ZFHX3: variants seen among roughly 807,000 people sequenced by gnomAD.
ZFHX3 encodes the protein zinc finger homeobox 3, also known as zinc finger homeobox protein 3.
Under a neutral mutation model 279.1 loss-of-function variants are expected in ZFHX3, and 42 were observed. That is an observed-to-expected ratio of 0.15 (90% CI 0.12 to 0.19). The LOEUF is 0.19. Ranked by LOEUF, ZFHX3 falls within the 10% of genes least tolerant of loss-of-function variation. The pLI is 1.00. For synonymous variants in ZFHX3, 2,293 were observed against 1,957.8 expected (o/e 1.17, Z -4.52); for missense variants, 4,981 against 4,754.0 (o/e 1.05, Z -1.40).
intron 4 of ZFHX3, among the ~76,000 whole-genome samples, chr16:73,276,949 C>T (rs2014317454): frequency 6.6e-6 from 1 of 152,150 alleles, no homozygotes. Flanking sequence ...AATTTCTCCC[C>T]ATTAGAACAG....
chr16:72,872,164 GT>G, intron 4 of ZFHX3, among the ~76,000 whole-genome samples: 1 of 152,122 alleles, frequency 6.6e-6, no homozygotes, highest in Non-Finnish European at 1.5e-5. Flanking sequence ...AACATCCCCA[GT>G]CCAATTATAT....
chr16:73,461,802 G>A (rs1344382381), intron 2 of ZFHX3, among the ~76,000 whole-genome samples: 1 of 152,188 alleles, frequency 6.6e-6, no homozygotes, highest in Non-Finnish European at 1.5e-5. Context: ...AAACTGGCTA[G>A]ATGATTCCTC....
intron 2 of ZFHX3, among the ~76,000 whole-genome samples, chr16:73,565,955 G>C (rs570230959): frequency 5.8e-4 from 89 of 152,254 alleles, no homozygotes; most frequent in Non-Finnish European, 9.1e-4. Flanking sequence ...GGGCCGGGAT[G>C]GGGGGGATCC....
chr16:73,108,053 C>A (rs1469752869), intron 7 of ZFHX3, among the ~76,000 whole-genome samples: 1 of 152,048 alleles, frequency 6.6e-6, no homozygotes, highest in Non-Finnish European at 1.5e-5. Flanking sequence ...CCCAGCTACT[C>A]GGGAGGCCGA....
chr16:73,748,628 C>T (rs1223027697), intron 1 of ZFHX3, among the ~76,000 whole-genome samples: 2 of 152,188 alleles, frequency 1.3e-5, no homozygotes, highest in South Asian at 4.1e-4. Flanking sequence ...TCACTCCTAC[C>T]TCCAGGCTTA....
chr16:73,121,458 T>A (rs938926031), intron 7 of ZFHX3, among the ~76,000 whole-genome samples: 2 of 152,194 alleles, frequency 1.3e-5, no homozygotes, highest in African/African-American at 4.8e-5. Flanking sequence ...GCTTGTACTG[T>A]GTTTCTACTG....
At chr16:73,397,639 G>T (rs551842991) in intron 3 of ZFHX3, among the ~76,000 whole-genome samples, 9 of 152,200 alleles carry the variant, frequency 5.9e-5, no homozygotes, top group Non-Finnish European at 4.4e-5. Context: ...GCTTGGACCA[G>T]GCTATTAGCA....
intron 2 of ZFHX3, among the ~76,000 whole-genome samples, chr16:73,645,714 C>T (rs1213347498): frequency 1.3e-5 from 2 of 152,108 alleles, no homozygotes; most frequent in African/African-American, 4.8e-5. Context: ...TCGAGAATTT[C>T]TTAATGTAGA....
intron 4 of ZFHX3, among the ~76,000 whole-genome samples, chr16:72,838,898 GA>G (rs1221678267): frequency 3.3e-5 from 5 of 151,772 alleles, no homozygotes; most frequent in East Asian, 1.9e-4. Context: ...TTCACAGGAA[GA>G]TTTTTTTTTT....
At chr16:73,470,991 T>C (rs1320987948) in intron 2 of ZFHX3, among the ~76,000 whole-genome samples, 3 of 152,142 alleles carry the variant, frequency 2.0e-5, no homozygotes, top group African/African-American at 7.2e-5. Flanking sequence ...GATTCTACAG[T>C]GTGGTTTGAG....
chr16:73,097,925 C>T (rs1966185699), intron 7 of ZFHX3, among the ~76,000 whole-genome samples: 1 of 152,168 alleles, frequency 6.6e-6, no homozygotes. Flanking sequence ...TCATTTTATA[C>T]CAAATAATAT....
intron 3 of ZFHX3, among the ~76,000 whole-genome samples, chr16:73,408,353 C>A (rs2017404785): frequency 6.6e-6 from 1 of 152,158 alleles, no homozygotes; most frequent in African/African-American, 2.4e-5. Context: ...GAGTCCCTGA[C>A]AAGGTCGTGA....
chr16:73,570,507 T>C (rs1404003421), intron 2 of ZFHX3, among the ~76,000 whole-genome samples: 2 of 152,224 alleles, frequency 1.3e-5, no homozygotes, highest in African/African-American at 4.8e-5. Flanking sequence ...TGAATGGCAT[T>C]AATAAATCCT....
At chr16:73,808,387 AT>A (rs947587812) in intron 1 of ZFHX3, 11 of 152,350 alleles carry the variant, frequency 7.2e-5, no homozygotes, top group Admixed American at 6.5e-4. Context: ...AGTTTCAAAT[AT>A]CAGACAAAAA....
intron 1 of ZFHX3, among the ~76,000 whole-genome samples, chr16:73,027,347 C>T (rs768487785): frequency 6.6e-6 from 1 of 152,192 alleles, no homozygotes; most frequent in Non-Finnish European, 1.5e-5. Flanking sequence ...TTTTAACTCT[C>T]CAGTCCAGTC....
intron 2 of ZFHX3, among the ~76,000 whole-genome samples, chr16:73,552,835 A>G (rs568734781): frequency 3.3e-4 from 50 of 152,328 alleles, no homozygotes; most frequent in Admixed American, 1.0e-3. Flanking sequence ...TCTGCCTGTA[A>G]AATTCTTGGA....
intron 4 of ZFHX3, among the ~76,000 whole-genome samples, chr16:73,286,633 G>A (rs1256446748): frequency 6.6e-6 from 1 of 151,586 alleles, no homozygotes; most frequent in Non-Finnish European, 1.5e-5. Context: ...GGGTCTGTGT[G>A]TAGCTGTGTG....
intron 4 of ZFHX3, among the ~76,000 whole-genome samples, chr16:72,867,331 G>C (rs992876345): frequency 6.6e-6 from 1 of 152,218 alleles, no homozygotes; most frequent in Non-Finnish European, 1.5e-5. Flanking sequence ...TCGCAGAGCA[G>C]AACTCTGGAA....
chr16:73,038,408 C>T (rs1306522216), intron 1 of ZFHX3, among the ~76,000 whole-genome samples: 1 of 150,130 alleles, frequency 6.7e-6, no homozygotes, highest in African/African-American at 2.5e-5. Flanking sequence ...AAAAAACTTC[C>T]TCCCTGACTC....
Sources: allele counts gnomAD v4.1 joint callset (sites outside exome capture counted in the v4.1 genomes callset), GRCh38; gene constraint gnomAD v4.1.1; transcripts MANE v1.5; gene names NCBI Gene and HGNC (gene_info 2026-07-23, HGNC 2026-07-21).